The following LYPLA1 variants were observed in gnomAD, a reference collection of about 807,000 sequenced individuals.
LYPLA1 encodes the protein lysophospholipase 1.
LYPLA1 carries 17 observed loss-of-function variants against 34.0 expected under a neutral mutation model. The ratio of observed to expected loss-of-function variants is 0.50; its 90% CI spans 0.34 to 0.75. LYPLA1 has a LOEUF of 0.75. Ranked by LOEUF, LYPLA1 falls within the 30% of genes least tolerant of loss-of-function variation. LYPLA1 has a pLI of 0.01. For missense variants in LYPLA1, 203 were observed against 288.8 expected (o/e 0.70, Z 2.15); for synonymous variants, 98 against 100.8 (o/e 0.97, Z 0.17).
At chr8:54,088,362 T>C (rs1453063463) in intron 2 of LYPLA1, among the ~76,000 whole-genome samples, 1 of 152,196 alleles carries the variant, frequency 6.6e-6, no homozygotes, top group African/African-American at 2.4e-5. Context: ...GAGATGATGC[T>C]CAACATTAAC....
At chr8:54,079,064 G>T (rs773445822) in intron 2 of LYPLA1, among the ~76,000 whole-genome samples, 4 of 151,936 alleles carry the variant, frequency 2.6e-5, no homozygotes, top group Non-Finnish European at 4.4e-5. Flanking sequence ...TGCAACCTCC[G>T]ACTCCTGAGT....
rs1204618761 is a variant in LYPLA1, at chr8:54,055,083, TTC to T, written c.335_336del (p.Arg112AsnfsTer49). ...QEVKNGIPSNRIILGGFSQGG... is the reference protein window; with the variant it reads ...QEVKNGIPSNXIILGGFSQGG... ...ACCTGAGAAAACCCTCCCAAAATAA[TTC>T]TGTTAGAAGGAATGCCATTCTTCAC... On this transcript the variant is annotated frameshift_variant, in exon 6 of 9. Coordinates refer to ENST00000316963, the MANE Select transcript of LYPLA1 (RefSeq NM_006330.4). LOFTEE classifies it high-confidence loss of function. 9 of 1,608,928 alleles carry T rather than the reference TTC, an allele frequency of 5.6e-6. No individual in the cohort carries two copies. Among genetic ancestry groups the T allele is most frequent in the African/African-American group, 1.3e-5 (1 of 74,786 alleles).
At chr8:54,101,566 G>A in intron 1 of LYPLA1, 189 bp downstream of exon 1, 1 of 1,150,132 alleles carries the variant, frequency 8.7e-7, no homozygotes, top group Non-Finnish European at 1.1e-6. Flanking sequence ...CCCTCGCGCC[G>A]GCTGTGACCC....
chr8:54,065,715 T>G (rs778738614), intron 3 of LYPLA1, 33 bp downstream of exon 3: 2 of 1,582,994 alleles, frequency 1.3e-6, no homozygotes, highest in South Asian at 1.1e-5. Context: ...CTCCAGACTC[T>G]GAATCACAAG....
At chr8:54,097,258 C>T (rs921795487) in intron 2 of LYPLA1, among the ~76,000 whole-genome samples, 1 of 152,002 alleles carries the variant, frequency 6.6e-6, no homozygotes, top group Non-Finnish European at 1.5e-5. Context: ...TACTGATGCG[C>T]GCAATGAATA....
chr8:54,078,397 A>G (rs1282506429), intron 2 of LYPLA1, among the ~76,000 whole-genome samples: 1 of 152,256 alleles, frequency 6.6e-6, no homozygotes, highest in Non-Finnish European at 1.5e-5. Context: ...GTTGCAAAGC[A>G]AAGCAACTGA....
At chr8:54,090,802 G>A (rs1450604136) in intron 2 of LYPLA1, among the ~76,000 whole-genome samples, 2 of 152,188 alleles carry the variant, frequency 1.3e-5, no homozygotes, top group African/African-American at 4.8e-5. Context: ...GGACCAGGTA[G>A]AGATAATTGA....
intron 2 of LYPLA1, among the ~76,000 whole-genome samples, chr8:54,090,993 A>G (rs530339382): frequency 6.6e-6 from 1 of 152,282 alleles, no homozygotes; most frequent in South Asian, 2.1e-4. Context: ...GAGTGAATTA[A>G]ACCTCTTTTC....
intron 2 of LYPLA1, among the ~76,000 whole-genome samples, chr8:54,076,130 G>C (rs1807883520): frequency 6.6e-6 from 1 of 152,132 alleles, no homozygotes; most frequent in Admixed American, 6.5e-5. Flanking sequence ...CTTAACATAA[G>C]GATTTGTGGA....
At chr8:54,099,514 C>T (rs937912594) in intron 2 of LYPLA1, among the ~76,000 whole-genome samples, 25 of 152,048 alleles carry the variant, frequency 1.6e-4, no homozygotes, top group Non-Finnish European at 3.4e-4. Context: ...TCTGTCTCTA[C>T]TAAAAATACA....
At chr8:54,064,451 T>C (rs1374677941) in intron 3 of LYPLA1, among the ~76,000 whole-genome samples, 4 of 152,146 alleles carry the variant, frequency 2.6e-5, no homozygotes, top group Non-Finnish European at 5.9e-5. Flanking sequence ...GAATTCTGTC[T>C]CTTGCTTGAG....
Position 54,065,935 on chromosome 8 carries a change from T to C in LYPLA1, c.102-122A>G, listed in dbSNP as rs925996274. 8.6e-5 allele frequency: 60 copies of C among 693,834 alleles called. No homozygotes were observed. The East Asian group carries it at 1.1e-3, about 13-fold the overall frequency. The allele number at this position is 693,834 out of a possible 1,614,324, so 43.0% of individuals were successfully genotyped here. Reference sequence around the variant, plus strand: ...TGTTAAATCCTAAAAATATGGTTTTTTTTTGTTTGTTTGTTTTTTGAGATG... The same window carrying C: ...TGTTAAATCCTAAAAATATGGTTTTCTTTTGTTTGTTTGTTTTTTGAGATG... On this transcript the variant is annotated intron_variant, in intron 2 of 8. Coordinates refer to ENST00000316963, the MANE Select transcript of LYPLA1 (RefSeq NM_006330.4).
intron 2 of LYPLA1, among the ~76,000 whole-genome samples, chr8:54,081,126 T>C (rs960303668): frequency 6.6e-6 from 1 of 152,088 alleles, no homozygotes; most frequent in Non-Finnish European, 1.5e-5. Flanking sequence ...TTTCTACCCC[T>C]GTCTGGAGTA....
intron 2 of LYPLA1, among the ~76,000 whole-genome samples, chr8:54,077,610 A>G (rs1808002783): frequency 6.6e-6 from 1 of 152,246 alleles, no homozygotes; most frequent in Non-Finnish European, 1.5e-5. Context: ...AGCCTGGCCA[A>G]CATGGCGAAA....
chr8:54,096,553 A>G (rs2129371606), intron 2 of LYPLA1, among the ~76,000 whole-genome samples: 1 of 152,252 alleles, frequency 6.6e-6, no homozygotes, highest in African/African-American at 2.4e-5. Flanking sequence ...CCTGACCAAC[A>G]TGGTGAAACC....
At chr8:54,082,281 T>C (rs184849544) in intron 2 of LYPLA1, among the ~76,000 whole-genome samples, 1 of 152,142 alleles carries the variant, frequency 6.6e-6, no homozygotes, top group African/African-American at 2.4e-5. Context: ...GGACAGGTTT[T>C]CCCCACAACG....
chr8:54,082,100 C>T (rs576429979), intron 2 of LYPLA1, among the ~76,000 whole-genome samples: 75 of 152,276 alleles, frequency 4.9e-4, no homozygotes, highest in African/African-American at 1.8e-3. Flanking sequence ...GTATCCTCAA[C>T]GAAACTGCAG....
At chr8:54,079,371 A>G (rs1316790322) in intron 2 of LYPLA1, among the ~76,000 whole-genome samples, 7 of 152,182 alleles carry the variant, frequency 4.6e-5, no homozygotes, top group Non-Finnish European at 8.8e-5. Flanking sequence ...ATAATAAGCA[A>G]TATTTTGCAG....
At chr8:54,084,673 G>A (rs989292780) in intron 2 of LYPLA1, among the ~76,000 whole-genome samples, 117 of 152,124 alleles carry the variant, frequency 7.7e-4, no homozygotes, top group African/African-American at 2.7e-3. Flanking sequence ...AAAAAAAACA[G>A]AGAAGACTCA....
Sources: allele counts gnomAD v4.1 joint callset (sites outside exome capture counted in the v4.1 genomes callset), GRCh38; gene constraint gnomAD v4.1.1; transcripts MANE v1.5; gene names NCBI Gene and HGNC (gene_info 2026-07-23, HGNC 2026-07-21).